Variants in ALK observed in about 807,000 individuals in gnomAD.
The protein encoded by ALK is ALK tyrosine kinase receptor.
Under a neutral mutation model 163.1 loss-of-function variants are expected in ALK, and 74 were observed. The ratio of observed to expected loss-of-function variants is 0.45; its 90% CI spans 0.38 to 0.55. The LOEUF is 0.55. Ranked by LOEUF, ALK falls within the 20% of genes least tolerant of loss-of-function variation. The pLI, the probability that ALK is intolerant of heterozygous loss-of-function variation, is 0.00. For synonymous variants in ALK, 960 were observed against 843.2 expected, an observed-to-expected ratio of 1.14 and a Z score of -2.40; for missense variants, 2,063 against 2,105.3, an observed-to-expected ratio of 0.98 and a Z score of 0.39.
chr2:29,867,518 A>G (rs756546313), intron 1 of ALK, among the ~76,000 whole-genome samples: 1 of 152,188 alleles, frequency 6.6e-6, no homozygotes, highest in African/African-American at 2.4e-5. Context: ...CGTGAGTTGC[A>G]ACAAGACCGT....
chr2:29,672,881 A>G (rs2148271959), intron 3 of ALK, among the ~76,000 whole-genome samples: 1 of 128,894 alleles, frequency 7.8e-6, no homozygotes, highest in East Asian at 2.4e-4. Context: ...AACTGGTGTG[A>G]GATGGTATCT....
chr2:29,663,779 T>C (rs561544876), intron 3 of ALK, among the ~76,000 whole-genome samples: 1 of 152,298 alleles, frequency 6.6e-6, no homozygotes, highest in Admixed American at 6.5e-5. Context: ...CATGTAACAA[T>C]GCAGGAAAAT....
chr2:29,480,461 TTGGA>T (rs1671634830), intron 4 of ALK, among the ~76,000 whole-genome samples: 1 of 152,168 alleles, frequency 6.6e-6, no homozygotes, highest in African/African-American at 2.4e-5. Context: ...CTTCTGGCAT[TTGGA>T]GAGGTGTGAA....
Position 29,331,602 on chromosome 2 carries a change from G to A in ALK, c.1283-3121C>T, listed in dbSNP as rs572613754. Among the ~76,000 whole-genome samples, 6 of 152,266 alleles carry A rather than the reference G, an allele frequency of 3.9e-5. No individual in the cohort carries two copies. In the East Asian group the frequency reaches 1.2e-3, roughly 29 times the overall value. On this transcript the variant is annotated intron_variant, in intron 5 of 28. Coordinates refer to ENST00000389048, the MANE Select transcript of ALK (RefSeq NM_004304.5). ...CCTCTTGGAAGCTAGAAGGTAAAACGCCTTTCTGCACACACTGGTGCTGGT... is the reference window on the plus strand; with the variant it reads ...CCTCTTGGAAGCTAGAAGGTAAAACACCTTTCTGCACACACTGGTGCTGGT...
intron 2 of ALK, among the ~76,000 whole-genome samples, chr2:29,716,629 T>C (rs1679263214): frequency 6.6e-6 from 1 of 152,168 alleles, no homozygotes; most frequent in South Asian, 2.1e-4. Flanking sequence ...GGAAGAAGTC[T>C]GGCTTGGTAG....
At chr2:29,415,504 C>A (rs1034412115) in intron 4 of ALK, among the ~76,000 whole-genome samples, 2 of 152,070 alleles carry the variant, frequency 1.3e-5, no homozygotes, top group African/African-American at 4.8e-5. Context: ...AGATGGAGAC[C>A]GTGAGCAAGG....
At chr2:29,668,200 C>T (rs956273874) in intron 3 of ALK, among the ~76,000 whole-genome samples, 1 of 151,684 alleles carries the variant, frequency 6.6e-6, no homozygotes, top group Non-Finnish European at 1.5e-5. Context: ...AGATAAATGT[C>T]AATTTTGTTT....
intron 1 of ALK, among the ~76,000 whole-genome samples, chr2:29,757,339 T>C (rs1680564023): frequency 6.6e-6 from 1 of 152,160 alleles, no homozygotes; most frequent in African/African-American, 2.4e-5. Flanking sequence ...CACCCCCATT[T>C]TGCAGTTGAC....
At chr2:29,416,145 C>A (rs928703347) in intron 4 of ALK, among the ~76,000 whole-genome samples, 9 of 152,224 alleles carry the variant, frequency 5.9e-5, no homozygotes, top group Non-Finnish European at 1.0e-4. Flanking sequence ...TATATATACC[C>A]TCCTGGTTCT....
intron 4 of ALK, among the ~76,000 whole-genome samples, chr2:29,494,441 G>T (rs949345359): frequency 1.3e-5 from 2 of 152,106 alleles, no homozygotes; most frequent in East Asian, 1.9e-4. Context: ...CACTCAGTTT[G>T]GGGCTCTGAG....
chr2:29,641,242 A>C (rs139217575), intron 3 of ALK, among the ~76,000 whole-genome samples: 1,665 of 152,226 alleles, frequency 0.011, 16 homozygotes, highest in Admixed American at 0.029. Context: ...CTGTGTGAAA[A>C]AAAAGGATAG....
intron 4 of ALK, among the ~76,000 whole-genome samples, chr2:29,437,594 T>C (rs1200003489): frequency 6.6e-6 from 1 of 152,212 alleles, no homozygotes; most frequent in Non-Finnish European, 1.5e-5. Flanking sequence ...TTTATCCTCA[T>C]TCTAGTCTTT....
chr2:29,208,177 CAAAT>C, intron 25 of ALK: 2 of 391,312 alleles, frequency 5.1e-6, no homozygotes, highest in South Asian at 3.6e-5. Context: ...CTCAGTGACA[CAAAT>C]GAAGAATTGA....
intron 4 of ALK, among the ~76,000 whole-genome samples, chr2:29,419,095 C>T (rs1669953418): frequency 6.6e-6 from 1 of 151,240 alleles, no homozygotes; most frequent in African/African-American, 2.5e-5. Context: ...CACTCTGTTG[C>T]CCAGGCTTGG....
chr2:29,374,326 G>T (rs527491519), intron 5 of ALK, among the ~76,000 whole-genome samples: 2 of 152,204 alleles, frequency 1.3e-5, no homozygotes, highest in South Asian at 2.1e-4. Context: ...AGCTCAAAAA[G>T]GTGGTGAGCG....
At chr2:29,460,143 A>C (rs1351348326) in intron 4 of ALK, among the ~76,000 whole-genome samples, 1 of 152,156 alleles carries the variant, frequency 6.6e-6, no homozygotes, top group Non-Finnish European at 1.5e-5. Context: ...GTGGGGGCTG[A>C]GCTCCTGATC....
At chr2:29,607,126 T>C (rs1675562002) in intron 3 of ALK, among the ~76,000 whole-genome samples, 1 of 152,220 alleles carries the variant, frequency 6.6e-6, no homozygotes, top group African/African-American at 2.4e-5. Flanking sequence ...TCTAAGCCTG[T>C]AGACAGGCCT....
intron 4 of ALK, among the ~76,000 whole-genome samples, chr2:29,388,797 GT>G (rs1669092218): frequency 6.6e-6 from 1 of 152,146 alleles, no homozygotes; most frequent in Non-Finnish European, 1.5e-5. Context: ...GGTGAGAAAG[GT>G]ATTGCAATTT....
chr2:29,781,622 G>A (rs1345745243), intron 1 of ALK, among the ~76,000 whole-genome samples: 1 of 152,232 alleles, frequency 6.6e-6, no homozygotes, highest in African/African-American at 2.4e-5. Context: ...CCTATGATGG[G>A]TGATGAACGG....
Sources: allele counts gnomAD v4.1 joint callset (sites outside exome capture counted in the v4.1 genomes callset), GRCh38; gene constraint gnomAD v4.1.1; transcripts MANE v1.5; gene names NCBI Gene and HGNC (gene_info 2026-07-23, HGNC 2026-07-21).